The following EYS variants were observed in gnomAD, a reference collection of about 807,000 sequenced individuals.
EYS encodes EGF-like photoreceptor maintenance factor, also known as protein eyes shut homolog.
In EYS, 250 loss-of-function variants were observed where a neutral mutation model predicts 282.1. The ratio of observed to expected loss-of-function variants is 0.89; its 90% CI spans 0.80 to 0.98. The LOEUF (loss-of-function observed/expected upper bound fraction) is 0.98. EYS is among the 50% of genes least tolerant of loss of function. The probability of loss-of-function intolerance (pLI) is 0.00; values close to 1 mark genes in which losing one functional copy is unlikely to be tolerated. For synonymous variants in EYS, 1,355 were observed against 1,282.9 expected, an observed-to-expected ratio of 1.06 and a Z score of -1.20; for missense variants, 4,016 against 3,709.0, an observed-to-expected ratio of 1.08 and a Z score of -2.15.
At position 64,256,967 on chromosome 6, in the gene EYS, A is replaced by C. The variant is rs972527175; in HGVS notation, c.6192-26143T>G. 3.3e-5 allele frequency among the ~76,000 whole-genome samples: 5 copies of C among 152,154 alleles called. No individual in the cohort carries two copies. The East Asian group carries it at 9.7e-4, about 29-fold the overall frequency. On this transcript the variant is annotated intron_variant, in intron 30 of 42. Coordinates refer to ENST00000503581, the MANE Select transcript of EYS (RefSeq NM_001142800.2). ...ATTGGTTCTCCAGAACTTCAGCACA[A>C]TTATTTGTTTCTTGCAGGTCATTTC...
rs1768024493 is a variant in EYS at position 64,637,558 on chromosome 6, C to T, written c.3444-11313G>A. Among the ~76,000 whole-genome samples, 2 of 88,802 alleles carry T rather than the reference C, an allele frequency of 2.3e-5. 1 individual carries two copies. Among genetic ancestry groups the T allele is most frequent in the South Asian group, 9.7e-4 (2 of 2,070 alleles). 58.3% of individuals were successfully genotyped at this position (88,802 alleles called of 152,430 possible). A position where few individuals can be genotyped will look rare whatever the true frequency, so the allele number is the denominator to read the frequency against. ...TGTATACATATGTAACTAACCTGCACATTGTGCACATGAACCCTAAAACTT... is the reference window on the plus strand; with the variant it reads ...TGTATACATATGTAACTAACCTGCATATTGTGCACATGAACCCTAAAACTT... On this transcript the variant is annotated intron_variant, in intron 22 of 42. Coordinates refer to ENST00000503581, the MANE Select transcript of EYS (RefSeq NM_001142800.2).
At chr6:65,369,964 T>A (rs192068899) in intron 8 of EYS, among the ~76,000 whole-genome samples, 6 of 151,764 alleles carry the variant, frequency 4.0e-5, no homozygotes, top group Admixed American at 3.4e-4. Flanking sequence ...CTCCGAAGAC[T>A]GATAAATAAT....
chr6:65,622,949 G>C (rs933860669), intron 2 of EYS, among the ~76,000 whole-genome samples: 1 of 152,074 alleles, frequency 6.6e-6, no homozygotes, highest in East Asian at 1.9e-4. Flanking sequence ...GTACAGCTGA[G>C]ATCTGTCTAT....
At chr6:64,390,139 G>C (rs1245951229) in intron 28 of EYS, among the ~76,000 whole-genome samples, 1 of 152,082 alleles carries the variant, frequency 6.6e-6, no homozygotes, top group Admixed American at 6.5e-5. Context: ...ACGGAGTCTC[G>C]CTGATTGCTA....
intron 1 of EYS, among the ~76,000 whole-genome samples, chr6:65,706,500 G>A (rs190550017): frequency 6.9e-6 from 1 of 145,706 alleles, no homozygotes; most frequent in Admixed American, 6.8e-5. Flanking sequence ...ACACCTTTAC[G>A]TTTTCTTTTT....
At chr6:65,308,996 C>T (rs1251157089) in intron 11 of EYS, among the ~76,000 whole-genome samples, 1 of 152,026 alleles carries the variant, frequency 6.6e-6, no homozygotes, top group African/African-American at 2.4e-5. Context: ...AACCAGATGG[C>T]TCCTAATTGT....
intron 1 of EYS, among the ~76,000 whole-genome samples, chr6:65,680,901 C>T (rs796737914): frequency 2.0e-5 from 3 of 151,990 alleles, no homozygotes; most frequent in Middle Eastern, 3.4e-3. Context: ...CACACTCTAC[C>T]TTGATGTAGC....
intron 31 of EYS, among the ~76,000 whole-genome samples, chr6:64,226,052 C>CTGA (rs1766244612): frequency 6.6e-6 from 1 of 152,058 alleles, no homozygotes; most frequent in Admixed American, 6.6e-5. Context: ...TGATGTAGAC[C>CTGA]ATCAGTTCTC....
intron 28 of EYS, among the ~76,000 whole-genome samples, chr6:64,418,210 C>T (rs75461177): frequency 0.024 from 3,704 of 152,014 alleles, 120 homozygotes; most frequent in African/African-American, 0.076. Flanking sequence ...TAGCTATCTA[C>T]GTAACACCTT....
intron 41 of EYS, among the ~76,000 whole-genome samples, chr6:63,743,108 A>G (rs1436306284): frequency 1.3e-5 from 2 of 152,100 alleles, no homozygotes; most frequent in Non-Finnish European, 2.9e-5. Context: ...TGAGGGATCT[A>G]GTTTCTCTAT....
At chr6:65,671,455 CA>C (rs911816470) in intron 1 of EYS, among the ~76,000 whole-genome samples, 4 of 150,674 alleles carry the variant, frequency 2.7e-5, no homozygotes, top group African/African-American at 4.9e-5. Context: ...AAACTTTGAA[CA>C]AAAAAAACTA....
intron 7 of EYS, among the ~76,000 whole-genome samples, chr6:65,392,515 A>G (rs1331291135): frequency 6.6e-6 from 1 of 152,244 alleles, no homozygotes; most frequent in Non-Finnish European, 1.5e-5. Flanking sequence ...GGAGAAGGAT[A>G]TGAAAAGACA....
intron 29 of EYS, among the ~76,000 whole-genome samples, chr6:64,314,742 C>G (rs1197682172): frequency 2.0e-5 from 3 of 152,010 alleles, no homozygotes; most frequent in Non-Finnish European, 2.9e-5. Context: ...AGAACAAAGA[C>G]ACAACAGAAT....
chr6:65,382,454 CCT>C (rs1491360812), intron 8 of EYS, among the ~76,000 whole-genome samples: 3 of 50,732 alleles, frequency 5.9e-5, no homozygotes, highest in Non-Finnish European at 8.9e-5. Context: ...AGTCTCCTTT[CCT>C]CTGTGTGTGT....
intron 39 of EYS, among the ~76,000 whole-genome samples, chr6:63,784,205 CTG>C (rs1266432555): frequency 6.6e-6 from 1 of 152,130 alleles, no homozygotes; most frequent in Non-Finnish European, 1.5e-5. Context: ...AGGTTGCTGA[CTG>C]TGGATTTTGG....
intron 13 of EYS, among the ~76,000 whole-genome samples, chr6:65,011,655 T>A (rs79526772): frequency 1.0e-3 from 152 of 152,310 alleles, no homozygotes; most frequent in African/African-American, 3.4e-3. Context: ...GAGACAGAAC[T>A]AGCTGGATTT....
intron 26 of EYS, among the ~76,000 whole-genome samples, chr6:64,453,583 A>G (rs1040790412): frequency 3.9e-5 from 6 of 152,202 alleles, no homozygotes; most frequent in African/African-American, 1.2e-4. Flanking sequence ...CACTATTCAC[A>G]ATAGCAAAGA....
chr6:65,094,354 A>C (rs956974531), intron 12 of EYS, among the ~76,000 whole-genome samples: 1 of 150,726 alleles, frequency 6.6e-6, no homozygotes, highest in Non-Finnish European at 1.5e-5. Flanking sequence ...GAGGACTAAA[A>C]CAATACTATA....
chr6:63,817,817 T>C (rs1286042346), intron 36 of EYS, among the ~76,000 whole-genome samples: 4 of 152,212 alleles, frequency 2.6e-5, no homozygotes, highest in Non-Finnish European at 5.9e-5. Flanking sequence ...TTGGTTGGAT[T>C]CTTTATCTGG....
Sources: allele counts gnomAD v4.1 joint callset (sites outside exome capture counted in the v4.1 genomes callset), GRCh38; gene constraint gnomAD v4.1.1; transcripts MANE v1.5; gene names NCBI Gene and HGNC (gene_info 2026-07-23, HGNC 2026-07-21).